Variants in RPGRIP1L observed in about 807,000 individuals in gnomAD.
The protein encoded by RPGRIP1L is protein fantom.
RPGRIP1L carries 131 observed loss-of-function variants against 160.4 expected under a neutral mutation model. That is an observed-to-expected ratio of 0.82 (90% CI 0.71 to 0.94). The LOEUF (loss-of-function observed/expected upper bound fraction) is 0.94. RPGRIP1L is among the 40% of genes least tolerant of loss of function. The pLI, the probability that RPGRIP1L is intolerant of heterozygous loss-of-function variation, is 0.00. For synonymous variants in RPGRIP1L, 510 were observed against 515.8 expected, an observed-to-expected ratio of 0.99 and a Z score of 0.15; for missense variants, 1,522 against 1,535.8, an observed-to-expected ratio of 0.99 and a Z score of 0.15.
intron 14 of RPGRIP1L, 121 bp downstream of exon 14, chr16:53,656,351 C>T: frequency 1.3e-6 from 1 of 799,080 alleles, no homozygotes; most frequent in Non-Finnish European, 2.3e-6. Flanking sequence ...CATGAGCTAG[C>T]TATGAATTAG....
At chr16:53,658,280 TA>T in intron 12 of RPGRIP1L, 133 bp downstream of exon 12, 1 of 742,164 alleles carries the variant, frequency 1.3e-6, no homozygotes. Context: ...TACATATTTG[TA>T]AAGGATGTAC....
chr16:53,701,314 C>T (rs1383316317), intron 1 of RPGRIP1L, among the ~76,000 whole-genome samples: 1 of 151,842 alleles, frequency 6.6e-6, no homozygotes, highest in Non-Finnish European at 1.5e-5. Flanking sequence ...AAAGAGGTTT[C>T]GTTGCATAAA....
At chr16:53,662,381 C>T (rs757464977) in intron 10 of RPGRIP1L, among the ~76,000 whole-genome samples, 3 of 152,102 alleles carry the variant, frequency 2.0e-5, no homozygotes, top group African/African-American at 4.8e-5. Flanking sequence ...ACATATCCTT[C>T]CCCCACATAT....
chr16:53,665,759 G>A (rs763754757), intron 9 of RPGRIP1L, among the ~76,000 whole-genome samples: 2 of 152,092 alleles, frequency 1.3e-5, no homozygotes, highest in South Asian at 2.1e-4. Context: ...ACTAGACAAC[G>A]TACAGAAAGT....
chr16:53,609,428 A>C (rs1963888692), intron 25 of RPGRIP1L, among the ~76,000 whole-genome samples: 1 of 152,134 alleles, frequency 6.6e-6, no homozygotes, highest in Non-Finnish European at 1.5e-5. Flanking sequence ...TTCTGGTACA[A>C]ATAAGTGGGT....
intron 10 of RPGRIP1L, chr16:53,659,267 AATT>A (rs1967557837): frequency 1.3e-6 from 1 of 779,936 alleles, no homozygotes; most frequent in Non-Finnish European, 1.6e-6. Context: ...TTAGTTTTTT[AATT>A]GACATCTTTG....
At chr16:53,648,938 AG>A (rs1430385800) in intron 16 of RPGRIP1L, 25 bp downstream of exon 16, 2 of 1,599,246 alleles carry the variant, frequency 1.3e-6, no homozygotes, top group Non-Finnish European at 1.7e-6. Flanking sequence ...ATGTCATAAA[AG>A]GGTCTTAAAG....
rs183475593 is a variant in RPGRIP1L, at chr16:53,682,254, C to A, written c.776+4179G>T. Among the ~76,000 whole-genome samples the A allele has an allele frequency of 9.9e-5, 15 of 152,246 alleles. 1 individual carries two copies. The East Asian group carries it at 2.9e-3, about 29-fold the overall frequency. ...CACTGATTTATTTCTCTGGTCTCTG[C>A]AATAAAAGTTCCTTTGCCTGTAATA... On this transcript the variant is annotated intron_variant, in intron 6 of 26. Transcript: ENST00000647211.
At chr16:53,643,711 T>C (rs888376993) in intron 17 of RPGRIP1L, among the ~76,000 whole-genome samples, 14 of 151,992 alleles carry the variant, frequency 9.2e-5, no homozygotes, top group African/African-American at 2.7e-4. Context: ...GCAGAGGAAA[T>C]AGATTCTACA....
chr16:53,697,424 C>A (rs1011398848), intron 2 of RPGRIP1L, among the ~76,000 whole-genome samples: 4 of 152,230 alleles, frequency 2.6e-5, no homozygotes, highest in Admixed American at 6.5e-5. Context: ...CGAAGCTGGA[C>A]TGTGCTGCTG....
At chr16:53,605,397 A>G in intron 26 of RPGRIP1L, 84 bp downstream of exon 26, 2 of 1,506,756 alleles carry the variant, frequency 1.3e-6, no homozygotes, top group Non-Finnish European at 1.8e-6. Context: ...GCACCCTTGG[A>G]GCCAGCAAAA....
intron 10 of RPGRIP1L, chr16:53,659,626 T>C (rs1179163643): frequency 6.6e-6 from 1 of 152,342 alleles, no homozygotes; most frequent in Admixed American, 6.5e-5. Context: ...CTTATGCCTA[T>C]AATCTCAGCA....
intron 14 of RPGRIP1L, among the ~76,000 whole-genome samples, chr16:53,653,682 C>G (rs1966996371): frequency 6.6e-6 from 1 of 152,350 alleles, no homozygotes. Context: ...TTCTCTGCTT[C>G]TCCTCCTATC....
At chr16:53,687,749 C>G in intron 5 of RPGRIP1L, 114 bp downstream of exon 5, 1 of 727,978 alleles carries the variant, frequency 1.4e-6, no homozygotes, top group Non-Finnish European at 2.5e-6. Context: ...CAGAACATAG[C>G]TGTATTTCAG....
intron 9 of RPGRIP1L, among the ~76,000 whole-genome samples, chr16:53,667,741 C>A (rs1291283425): frequency 6.6e-6 from 1 of 151,968 alleles, no homozygotes; most frequent in African/African-American, 2.4e-5. Flanking sequence ...GGTGTGGTGA[C>A]AAACACATGT....
chr16:53,619,104 G>A lies in RPGRIP1L; in HGVS notation c.3537C>T (p.Tyr1179=). The A allele has an allele frequency of 6.2e-7, 1 of 1,614,100 alleles. No homozygotes were observed. The highest frequency in any genetic ancestry group is 8.5e-7 in the Non-Finnish European group (1 of 1,179,968). ...CGGGTGTCTCTTCAGCAGGAAGACT[G>A]TAGAATCGACACTCAACAAACAGCC... ...IQRLFVECRF[Y]SLPAEETPVS... The change falls in exon 24 of 27, where the codon TAC becomes TAT. Residue 1179 remains tyrosine, a synonymous_variant. Transcript: ENST00000647211.
At chr16:53,638,880 C>A (rs755953883) in intron 19 of RPGRIP1L, among the ~76,000 whole-genome samples, 1 of 151,702 alleles carries the variant, frequency 6.6e-6, no homozygotes, top group Non-Finnish European at 1.5e-5. Context: ...AGCAAACACA[C>A]ATATGTGTGT....
chr16:53,693,962 C>T (rs551363375), intron 3 of RPGRIP1L: 1 of 152,256 alleles, frequency 6.6e-6, no homozygotes, highest in South Asian at 2.1e-4. Flanking sequence ...ATAAATGACC[C>T]TAATTTTTAA....
intron 6 of RPGRIP1L, among the ~76,000 whole-genome samples, chr16:53,678,121 G>A (rs1017136412): frequency 2.7e-5 from 4 of 150,276 alleles, no homozygotes; most frequent in Admixed American, 2.0e-4. Flanking sequence ...GGAAAATGCA[G>A]TTTCTTTTCT....
Sources: gnomAD v4.1 joint callset for allele counts (sites outside exome capture counted in the v4.1 genomes callset) on GRCh38, gnomAD v4.1.1 for gene constraint, MANE v1.5 for transcripts, NCBI Gene and HGNC (gene_info 2026-07-23, HGNC 2026-07-21) for gene names.